ASTN1: variants seen among roughly 807,000 people sequenced by gnomAD.
The protein encoded by ASTN1 is astrotactin 1.
Under a neutral mutation model 140.7 loss-of-function variants are expected in ASTN1, and 41 were observed. That is an observed-to-expected ratio of 0.29 (90% CI 0.23 to 0.38). The LOEUF (loss-of-function observed/expected upper bound fraction) is 0.38. Among genes scored for constraint, ASTN1 ranks in the 10% least tolerant of loss-of-function variants. ASTN1 has a pLI of 1.00. For missense variants in ASTN1, 1,479 were observed against 1,678.8 expected, an observed-to-expected ratio of 0.88 and a Z score of 2.08; for synonymous variants, 640 against 652.2, an observed-to-expected ratio of 0.98 and a Z score of 0.29.
At chr1:176,960,532 A>G (rs1048224928) in intron 9 of ASTN1, among the ~76,000 whole-genome samples, 5 of 152,186 alleles carry the variant, frequency 3.3e-5, no homozygotes, top group Non-Finnish European at 7.4e-5. Context: ...TCCATCTCAC[A>G]GTTTTCTCTT....
In ASTN1 at chr1:177,079,792, C is replaced by T. The variant is rs78890515; in HGVS notation, c.284-18527G>A. Among the ~76,000 whole-genome samples, 42 of 152,202 alleles carry T rather than the reference C, an allele frequency of 2.8e-4. No individual in the cohort carries two copies. The East Asian group carries it at 4.8e-3, about 18-fold the overall frequency. On this transcript the variant is annotated intron_variant, in intron 1 of 22. Transcript: ENST00000361833. ...CCCCACTGAAAAGATAACAAAAGCT[C>T]AGAGAGTTAAGTATTTTGCACAAGG...
At chr1:177,074,662 G>A (rs1678801691) in intron 1 of ASTN1, among the ~76,000 whole-genome samples, 1 of 152,190 alleles carries the variant, frequency 6.6e-6, no homozygotes, top group African/African-American at 2.4e-5. Flanking sequence ...TGCTGGATAA[G>A]GTTGAATTAG....
At chr1:176,914,997 C>CA (rs1001134204) in intron 16 of ASTN1, among the ~76,000 whole-genome samples, 28 of 152,080 alleles carry the variant, frequency 1.8e-4, no homozygotes, top group South Asian at 4.2e-4. Context: ...CACAAATAGA[C>CA]AAAAAAATTT....
intron 8 of ASTN1, among the ~76,000 whole-genome samples, chr1:177,008,064 CAG>C (rs1190491541): frequency 6.6e-6 from 1 of 152,194 alleles, no homozygotes; most frequent in East Asian, 1.9e-4. Flanking sequence ...GAAGGAGGTG[CAG>C]AGTTTCCCAA....
intron 1 of ASTN1, among the ~76,000 whole-genome samples, chr1:177,094,585 C>G (rs1174198929): frequency 1.3e-5 from 2 of 152,172 alleles, no homozygotes. Flanking sequence ...GACTTCCCAG[C>G]CTCTGGAACT....
intron 15 of ASTN1, 58 bp downstream of exon 15, chr1:176,936,208 T>C: frequency 6.7e-7 from 1 of 1,494,398 alleles, no homozygotes; most frequent in East Asian, 2.3e-5. Flanking sequence ...CTTCTCCCCT[T>C]GGAAAGGACT....
At chr1:176,959,405 C>T (rs1350242026) in intron 9 of ASTN1, among the ~76,000 whole-genome samples, 3 of 152,092 alleles carry the variant, frequency 2.0e-5, no homozygotes, top group Non-Finnish European at 4.4e-5. Context: ...GCATGCTGCT[C>T]GTACAGCACC....
At chr1:176,901,691 G>C (rs1669774520) in intron 16 of ASTN1, among the ~76,000 whole-genome samples, 1 of 152,152 alleles carries the variant, frequency 6.6e-6, no homozygotes, top group Non-Finnish European at 1.5e-5. Flanking sequence ...ATGCTGCCCA[G>C]TCTCAGTCTG....
chr1:177,155,871 T>C (rs1291820967), intron 1 of ASTN1, among the ~76,000 whole-genome samples: 1 of 152,134 alleles, frequency 6.6e-6, no homozygotes, highest in Admixed American at 6.5e-5. Context: ...TAAAGACACA[T>C]ATTTCCTTGC....
At chr1:176,879,067 C>T (rs1668681663) in intron 20 of ASTN1, among the ~76,000 whole-genome samples, 1 of 152,160 alleles carries the variant, frequency 6.6e-6, no homozygotes, top group Admixed American at 6.5e-5. Flanking sequence ...GATAGGAAGT[C>T]CTGTTCTCTC....
At chr1:177,061,371 C>T (rs1678080886) in intron 1 of ASTN1, 106 bp from the exon 2 acceptor site, 1 of 1,120,098 alleles carries the variant, frequency 8.9e-7, no homozygotes, top group Non-Finnish European at 1.2e-6. Context: ...CTGAAGCCAA[C>T]AGAAGTTTCC....
At chr1:176,985,195 G>A (rs575384296) in intron 8 of ASTN1, among the ~76,000 whole-genome samples, 10 of 152,302 alleles carry the variant, frequency 6.6e-5, no homozygotes, top group African/African-American at 2.2e-4. Flanking sequence ...AAAACAAAGC[G>A]TAGATAACAT....
intron 16 of ASTN1, among the ~76,000 whole-genome samples, chr1:176,930,630 G>C (rs1210469417): frequency 1.3e-5 from 2 of 152,174 alleles, no homozygotes; most frequent in African/African-American, 4.8e-5. Flanking sequence ...CTGGTAAAGA[G>C]GGACACAGTC....
intron 20 of ASTN1, among the ~76,000 whole-genome samples, chr1:176,881,138 C>G (rs1026469706): frequency 6.6e-6 from 1 of 152,208 alleles, no homozygotes; most frequent in African/African-American, 2.4e-5. Flanking sequence ...AATGTCACTC[C>G]TGGCCTCCCA....
chr1:176,949,234 C>T lies in ASTN1; in HGVS notation c.2005G>A (p.Ala669Thr). Residue 669 changes from alanine to threonine, a missense_variant, in exon 12 of 23, where the codon GCG becomes ACG. Coordinates refer to ENST00000361833, the MANE Select transcript of ASTN1 (RefSeq NM_004319.3). The stretch of plus-strand genomic sequence containing the variant: ...AAGGTGGGGTCGTCCGGGAAGGGCG[C>T]CATCTGCTGGAGGCACAGCTGCTCA... Reference protein sequence around the residue: ...GCEQLCLQQMAPFPDDPTLYN... With the variant: ...GCEQLCLQQMTPFPDDPTLYN... 6.2e-7 allele frequency: 1 copy of T among 1,614,088 alleles called. No homozygotes were observed. Among genetic ancestry groups the T allele is most frequent in the Non-Finnish European group, 8.5e-7 (1 of 1,180,028 alleles).
At chr1:177,112,564 C>G (rs906648264) in intron 1 of ASTN1, among the ~76,000 whole-genome samples, 1 of 152,170 alleles carries the variant, frequency 6.6e-6, no homozygotes, top group African/African-American at 2.4e-5. Flanking sequence ...TCAAATAAAG[C>G]TTTCTGTGGT....
intron 11 of ASTN1, among the ~76,000 whole-genome samples, chr1:176,956,128 C>T (rs979375455): frequency 7.9e-5 from 12 of 152,196 alleles, no homozygotes; most frequent in Middle Eastern, 3.4e-3. Flanking sequence ...CCCTTGGCTG[C>T]CTTTGGGAGA....
At chr1:176,896,799 G>A (rs1669525198) in intron 16 of ASTN1, among the ~76,000 whole-genome samples, 1 of 152,154 alleles carries the variant, frequency 6.6e-6, no homozygotes, top group Non-Finnish European at 1.5e-5. Flanking sequence ...TGCCTCCAAA[G>A]ATCCAGCCTA....
At chr1:176,991,551 G>A (rs1674177197) in intron 8 of ASTN1, among the ~76,000 whole-genome samples, 1 of 149,850 alleles carries the variant, frequency 6.7e-6, no homozygotes, top group South Asian at 2.1e-4. Flanking sequence ...ATGAAGTGAT[G>A]TAGAACCAGG....
Sources: allele counts gnomAD v4.1 joint callset (sites outside exome capture counted in the v4.1 genomes callset), GRCh38; gene constraint gnomAD v4.1.1; transcripts MANE v1.5; gene names NCBI Gene and HGNC (gene_info 2026-07-23, HGNC 2026-07-21).